DAB1: variants seen among roughly 807,000 people sequenced by gnomAD.
DAB1 encodes the protein DAB adaptor protein 1.
A neutral mutation model predicts 64.6 loss-of-function variants in DAB1; 15 were observed. The observed-to-expected ratio is 0.23, with a 90% CI of 0.16 to 0.36. DAB1 has a LOEUF of 0.36. DAB1 is among the 10% of genes least tolerant of loss of function. DAB1 has a pLI of 1.00. For synonymous variants in DAB1, 235 were observed against 251.9 expected, an observed-to-expected ratio of 0.93 and a Z score of 0.64; for missense variants, 596 against 706.7, an observed-to-expected ratio of 0.84 and a Z score of 1.78.
chr1:57,427,583 C>T (rs567486036), upstream of DAB1, among the ~76,000 whole-genome samples: 2 of 152,254 alleles, frequency 1.3e-5, no homozygotes, highest in Non-Finnish European at 2.9e-5. Flanking sequence ...AGCAAAGAAG[C>T]CCATTTTGTG....
chr1:58,319,201 G>A (rs1035177552), intron 4 of DAB1, among the ~76,000 whole-genome samples: 27 of 152,104 alleles, frequency 1.8e-4, no homozygotes, highest in African/African-American at 9.7e-5. Context: ...TTTTGAACAT[G>A]GGTGTCTGAA....
chr1:58,076,397 A>G (rs935685747), intron 5 of DAB1, among the ~76,000 whole-genome samples: 50 of 152,138 alleles, frequency 3.3e-4, no homozygotes, highest in African/African-American at 1.2e-3. Flanking sequence ...CTCTTATATA[A>G]TAATTGGCAA....
At chr1:58,156,743 A>G (rs1655249784) in intron 4 of DAB1, among the ~76,000 whole-genome samples, 1 of 152,212 alleles carries the variant, frequency 6.6e-6, no homozygotes, top group Non-Finnish European at 1.5e-5. Context: ...GAGGAAAGGA[A>G]GAACACAATG....
At chr1:58,343,605 A>C (rs765434361) in intron 3 of DAB1, among the ~76,000 whole-genome samples, 7 of 152,238 alleles carry the variant, frequency 4.6e-5, no homozygotes, top group Non-Finnish European at 1.0e-4. Flanking sequence ...AAGACCCAGA[A>C]TTCATGTTGT....
chr1:57,809,075 G>T (rs990252567), intron 6 of DAB1, among the ~76,000 whole-genome samples: 1 of 152,132 alleles, frequency 6.6e-6, no homozygotes, highest in Non-Finnish European at 1.5e-5. Context: ...TTTAATAAAT[G>T]CAATTTAATG....
intron 4 of DAB1, among the ~76,000 whole-genome samples, chr1:57,075,541 A>G (rs1420395239): frequency 6.6e-6 from 1 of 152,224 alleles, no homozygotes; most frequent in Non-Finnish European, 1.5e-5. Context: ...GATACTTAGA[A>G]ATACAAATAC....
intron 2 of DAB1, among the ~76,000 whole-genome samples, chr1:57,174,605 A>G (rs924504954): frequency 6.6e-6 from 1 of 152,142 alleles, no homozygotes; most frequent in African/African-American, 2.4e-5. Flanking sequence ...CACTTTATTT[A>G]TATGCTTTAC....
At chr1:58,080,388 A>C (rs951756177) in intron 5 of DAB1, 1 of 152,212 alleles carries the variant, frequency 6.6e-6, no homozygotes, top group African/African-American at 2.4e-5. Flanking sequence ...GGGAGGAAAA[A>C]TAAGCCCAGT....
At chr1:58,357,880 T>C (rs1196211512) in intron 3 of DAB1, among the ~76,000 whole-genome samples, 1 of 152,160 alleles carries the variant, frequency 6.6e-6, no homozygotes, top group African/African-American at 2.4e-5. Flanking sequence ...CCCTCAATTC[T>C]TTCCATCCTC....
chr1:57,877,346 A>C lies in DAB1; in HGVS notation n.87+6653T>G, dbSNP rs1438011478. Among the ~76,000 whole-genome samples, 4 of 152,156 alleles carry C rather than the reference A, an allele frequency of 2.6e-5. No individual in the cohort carries two copies. The East Asian group carries it at 7.8e-4, about 29-fold the overall frequency. ...GTTGTGGGCGCCCTGAGTTTGCGTA[A>C]GTCTTGACCATTATGATACACTCTG... On this transcript the variant is annotated intron_variant and non_coding_transcript_variant, in intron 1 of 1. Transcript: ENST00000477280.
intron 5 of DAB1, among the ~76,000 whole-genome samples, chr1:57,909,373 C>A (rs899995320): frequency 2.0e-5 from 3 of 152,102 alleles, no homozygotes; most frequent in Non-Finnish European, 4.4e-5. Context: ...GAAATAAGCT[C>A]ATAAAATAAT....
intron 2 of DAB1, among the ~76,000 whole-genome samples, chr1:57,148,582 C>T (rs7539364): frequency 6.6e-6 from 1 of 152,156 alleles, no homozygotes; most frequent in African/African-American, 2.4e-5. Context: ...ACCATGAATC[C>T]CAGACTATGT....
At chr1:57,569,388 C>T (rs1294614374) in intron 7 of DAB1, among the ~76,000 whole-genome samples, 2 of 151,774 alleles carry the variant, frequency 1.3e-5, no homozygotes, top group African/African-American at 4.8e-5. Context: ...ACATATACAC[C>T]ATGGAATACT....
At chr1:57,026,442 G>A (rs1448000531) in intron 9 of DAB1, among the ~76,000 whole-genome samples, 2 of 152,128 alleles carry the variant, frequency 1.3e-5, no homozygotes, top group Non-Finnish European at 2.9e-5. Flanking sequence ...TGCCTTCCAT[G>A]TGCAAGTATG....
At chr1:57,695,825 AGGAGGT>A (rs1331985403) in intron 6 of DAB1, among the ~76,000 whole-genome samples, 9 of 152,058 alleles carry the variant, frequency 5.9e-5, no homozygotes, top group African/African-American at 1.2e-4. Flanking sequence ...AGTTGAACCT[AGGAGGT>A]GGAGGTTGCA....
rs754730747 is a variant in DAB1, at chr1:58,056,350, A to G, written n.387+94161T>C. The G allele has an allele frequency of 3.2e-6, 5 of 1,585,412 alleles. No individual in the cohort carries two copies. In the Admixed American group the frequency reaches 6.7e-5, roughly 21 times the overall value. On this transcript the variant is annotated intron_variant and non_coding_transcript_variant, in intron 5 of 20. Coordinates refer to the DAB1 transcript ENST00000485760. Reference sequence around the variant, plus strand: ...GTCCCTGACTGCTGCGGCCTTCACTATGTTTCGAATGACGAATGTCTTAAT... The same window carrying G: ...GTCCCTGACTGCTGCGGCCTTCACTGTGTTTCGAATGACGAATGTCTTAAT...
intron 3 of DAB1, among the ~76,000 whole-genome samples, chr1:58,453,730 G>T (rs1191283180): frequency 6.6e-6 from 1 of 152,194 alleles, no homozygotes; most frequent in African/African-American, 2.4e-5. Flanking sequence ...TTTCCACCAA[G>T]ATTCTTGGCT....
intron 6 of DAB1, among the ~76,000 whole-genome samples, chr1:57,773,344 TACACACACACACAC>T (rs60059518): frequency 1.4e-5 from 2 of 147,570 alleles, no homozygotes; most frequent in East Asian, 4.0e-4. Context: ...TTGAGTTGTA[TACACACACACACAC>T]ACACACACAC....
At chr1:57,661,402 C>T (rs1401792547) in intron 6 of DAB1, among the ~76,000 whole-genome samples, 2 of 152,202 alleles carry the variant, frequency 1.3e-5, no homozygotes, top group Non-Finnish European at 2.9e-5. Context: ...ACTTGCATGA[C>T]TATTGTGACA....
Sources: allele counts gnomAD v4.1 joint callset (sites outside exome capture counted in the v4.1 genomes callset), GRCh38; gene constraint gnomAD v4.1.1; transcripts MANE v1.5; gene names NCBI Gene and HGNC (gene_info 2026-07-23, HGNC 2026-07-21).